Variants in IGBP1 observed in about 807,000 individuals in gnomAD.
IGBP1 encodes immunoglobulin-binding protein 1.
IGBP1 carries 2 observed loss-of-function variants against 25.9 expected under a neutral mutation model. The observed-to-expected ratio is 0.08, with a 90% confidence interval of 0.03 to 0.24. The LOEUF is 0.24. Ranked by LOEUF, IGBP1 falls within the 10% of genes least tolerant of loss-of-function variation. The pLI is 1.00. For missense variants in IGBP1, 187 were observed against 260.4 expected (o/e 0.72, Z 1.94); for synonymous variants, 96 against 93.4 (o/e 1.03, Z -0.16).
rs544928108 is a variant in IGBP1, at chrX:70,151,086, G to A, written c.871+764G>A. 2.7e-4 allele frequency among the ~76,000 whole-genome samples: 29 copies of A among 109,381 alleles called. 1 individual carries two copies. The South Asian group carries it at 9.5e-3, about 36-fold the overall frequency. The allele number at this position is 109,381 out of a possible 115,157, so 95.0% of individuals were successfully genotyped here. A position where few individuals can be genotyped will look rare whatever the true frequency, so the allele number is the denominator to read the frequency against. ...AGCAGTTCTCCTGCCTCAGCCTCCC[G>A]AGTAGCTGGGAATACAGGCGCCTGC... On this transcript the variant is annotated intron_variant, in intron 6 of 6. Transcript: ENST00000356413.
At chrX:70,162,920 GCCAAGATCAC>G (rs1279547517) in intron 6 of IGBP1, among the ~76,000 whole-genome samples, 1 of 111,562 alleles carries the variant, frequency 9.0e-6, no homozygotes, top group African/African-American at 3.3e-5. Flanking sequence ...GTTGCAGTGA[GCCAAGATCAC>G]ACCACTGCAC....
chrX:70,152,619 G>A (rs1236114192), intron 6 of IGBP1, among the ~76,000 whole-genome samples: 6 of 112,061 alleles, frequency 5.4e-5, no homozygotes, highest in Non-Finnish European at 1.1e-4. Context: ...AGCAAAATAT[G>A]TTTGTAATTA....
chrX:70,154,714 CAA>C (rs762954223), intron 6 of IGBP1, among the ~76,000 whole-genome samples: 48 of 27,101 alleles, frequency 1.8e-3, no homozygotes, highest in African/African-American at 8.4e-3. Context: ...CCCCTCTCCA[CAA>C]AAAAAAAAAA....
In IGBP1 at chrX:70,146,684, T is replaced by C. The variant is rs1489232199; in HGVS notation, c.534T>C (p.Ala178=). The change falls in exon 4 of 7, where the codon GCT becomes GCC. Residue 178 remains alanine, a synonymous_variant. Coordinates refer to ENST00000356413, the MANE Select transcript of IGBP1 (RefSeq NM_001551.3). The part of the protein sequence containing the change: ...LEHRLSAMKS[A]VESGQADDER... Reference sequence around the variant, plus strand: ...ATAGGTTGTCTGCAATGAAATCTGCTGTGGAAAGTGGTCAAGCAGATGATG... The same window carrying C: ...ATAGGTTGTCTGCAATGAAATCTGCCGTGGAAAGTGGTCAAGCAGATGATG... 8.3e-7 allele frequency: 1 copy of C among 1,205,237 alleles called. No homozygotes were observed. The highest frequency in any genetic ancestry group is 1.1e-6 in the Non-Finnish European group (1 of 892,521).
At chrX:70,136,593 TGTG>T (rs1294851822) in intron 3 of IGBP1, among the ~76,000 whole-genome samples, 2 of 111,303 alleles carry the variant, frequency 1.8e-5, no homozygotes, top group African/African-American at 6.5e-5. Flanking sequence ...ATATCTGGCA[TGTG>T]GTGAGTATTC....
intron 6 of IGBP1, chrX:70,163,880 G>C (rs764263449): frequency 3.6e-5 from 4 of 112,175 alleles, no homozygotes; most frequent in Non-Finnish European, 7.5e-5. Context: ...GAAAGGGGTG[G>C]AGGGGGAACC....
chrX:70,136,293 C>A (rs778103473), intron 3 of IGBP1, among the ~76,000 whole-genome samples: 2 of 111,639 alleles, frequency 1.8e-5, no homozygotes, highest in East Asian at 5.6e-4. Flanking sequence ...AATACACAGT[C>A]AGGGGAACAT....
intron 6 of IGBP1, 22 bp downstream of exon 6, chrX:70,150,344 A>G (rs1372113358): frequency 1.0e-5 from 10 of 966,616 alleles, no homozygotes; most frequent in Non-Finnish European, 1.5e-5. Context: ...TAGGAGGGAA[A>G]TAGTTGTACC....
intron 3 of IGBP1, among the ~76,000 whole-genome samples, chrX:70,137,859 G>A (rs146548541): frequency 0.016 from 1,748 of 108,960 alleles, 32 homozygotes; most frequent in African/African-American, 0.055. Flanking sequence ...GACACCAGGC[G>A]CGGTGGCTTA....
chrX:70,152,840 C>T (rs758668308), intron 6 of IGBP1, among the ~76,000 whole-genome samples: 2 of 111,435 alleles, frequency 1.8e-5, no homozygotes, highest in African/African-American at 3.3e-5. Context: ...ATCTCAGTGG[C>T]CTGCGGAATT....
intron 3 of IGBP1, among the ~76,000 whole-genome samples, chrX:70,141,160 G>A (rs2085127099): frequency 9.1e-6 from 1 of 109,946 alleles, no homozygotes; most frequent in African/African-American, 3.3e-5. Context: ...CCTGGCCAAG[G>A]TGGCGAAACC....
intron 6 of IGBP1, among the ~76,000 whole-genome samples, chrX:70,157,209 C>G (rs192007924): frequency 1.2e-5 from 1 of 85,283 alleles, no homozygotes; most frequent in Admixed American, 1.8e-4. Flanking sequence ...ACTTTCAACA[C>G]TTATGTTAGA....
At chrX:70,160,750 A>G (rs777722199) in intron 6 of IGBP1, among the ~76,000 whole-genome samples, 1 of 112,145 alleles carries the variant, frequency 8.9e-6, no homozygotes, top group Non-Finnish European at 1.9e-5. Context: ...GATAATGTAG[A>G]TAACTTTTTA....
At chrX:70,146,898 T>C in intron 4 of IGBP1, 70 bp downstream of exon 4, 1 of 800,654 alleles carries the variant, frequency 1.2e-6, no homozygotes, top group Non-Finnish European at 1.9e-6. Flanking sequence ...TAAGATCCTT[T>C]TAAGTCTCCA....
intron 3 of IGBP1, among the ~76,000 whole-genome samples, chrX:70,146,102 G>C (rs2085164701): frequency 8.9e-6 from 1 of 111,915 alleles, no homozygotes; most frequent in Admixed American, 9.5e-5. Flanking sequence ...AAGGCAGCCA[G>C]GGTGGTTATG....
chrX:70,136,238 G>A (rs761735937), intron 3 of IGBP1, among the ~76,000 whole-genome samples: 7 of 111,494 alleles, frequency 6.3e-5, no homozygotes, highest in East Asian at 2.8e-4. Context: ...CCCGATTTGC[G>A]ATGGCTTGTC....
At chrX:70,157,704 A>G (rs906950689) in intron 6 of IGBP1, among the ~76,000 whole-genome samples, 15 of 112,096 alleles carry the variant, frequency 1.3e-4, no homozygotes, top group African/African-American at 4.9e-4. Context: ...AACTTCAACA[A>G]ACAGGTGATA....
chrX:70,138,263 T>G (rs1322762224), intron 3 of IGBP1, among the ~76,000 whole-genome samples: 1 of 111,313 alleles, frequency 9.0e-6, no homozygotes, highest in African/African-American at 3.3e-5. Flanking sequence ...GGAGGATTAC[T>G]TGAGCCCAGG....
At chrX:70,165,586 G>A (rs933697408) in intron 6 of IGBP1, among the ~76,000 whole-genome samples, 1 of 110,458 alleles carries the variant, frequency 9.1e-6, no homozygotes, top group African/African-American at 3.3e-5. Flanking sequence ...CATTCTGAGG[G>A]GCACCTTTTA....
Sources: gnomAD v4.1 joint callset for allele counts (sites outside exome capture counted in the v4.1 genomes callset) on GRCh38, gnomAD v4.1.1 for gene constraint, MANE v1.5 for transcripts, NCBI Gene and HGNC (gene_info 2026-07-23, HGNC 2026-07-21) for gene names.